The following CAMK4 variants were observed in gnomAD, a reference collection of about 807,000 sequenced individuals.
The protein encoded by CAMK4 is calcium/calmodulin dependent protein kinase IV.
Under a neutral mutation model 44.9 loss-of-function variants are expected in CAMK4, and 22 were observed. The observed-to-expected ratio is 0.49, with a 90% CI of 0.35 to 0.70. The LOEUF (loss-of-function observed/expected upper bound fraction) is 0.70, where lower values mean the gene tolerates loss of function less well. Ranked by LOEUF, CAMK4 falls within the 30% of genes least tolerant of loss-of-function variation. The pLI is 0.01. For missense variants in CAMK4, 498 were observed against 586.8 expected (o/e 0.85, Z 1.56); for synonymous variants, 218 against 215.4 (o/e 1.01, Z -0.11).
intron 5 of CAMK4, among the ~76,000 whole-genome samples, chr5:111,397,668 T>TGTGC: frequency 7.7e-6 from 1 of 129,304 alleles, no homozygotes; most frequent in Non-Finnish European, 1.6e-5. Context: ...TGTGTGTGTG[T>TGTGC]GTGTGTGTGT....
chr5:111,453,919 C>G (rs576556857), intron 7 of CAMK4, among the ~76,000 whole-genome samples: 42 of 152,262 alleles, frequency 2.8e-4, no homozygotes, highest in African/African-American at 8.7e-4. Context: ...GGAATATCCC[C>G]TCCTGGGGTG....
chr5:111,408,323 G>C (rs577361928), intron 5 of CAMK4, among the ~76,000 whole-genome samples: 81 of 152,292 alleles, frequency 5.3e-4, no homozygotes, highest in African/African-American at 1.9e-3. Context: ...CCACATGGCT[G>C]GGGAGGCCTC....
rs1270266001 is a variant in CAMK4, at chr5:111,484,030, C to T, written c.986C>T (p.Ala329Val). 5 of 1,571,668 alleles carry T rather than the reference C, an allele frequency of 3.2e-6. No homozygotes were observed. The highest frequency in any genetic ancestry group is 1.8e-5 in the Admixed American group (1 of 54,614). The change falls in exon 11 of 11, where the codon GCG (alanine) becomes GTG (valine). Residue 329 changes from alanine to valine, a missense_variant. Ala to Val is a moderately conservative substitution (Grantham distance 64). Around this residue, in one of 3 missense-constraint regions of CAMK4, gnomAD observed 203 missense variants for 298.2 expected, o/e 0.68. Coordinates refer to ENST00000282356, the MANE Select transcript of CAMK4 (RefSeq NM_001744.6). This position sits in a 1 kb window ranked among gnomAD's most constrained non-coding sequence, Gnocchi z 5.3. ...CACTCTTCTGTTTCCAATCAGGCAGCGGTGAAGGCTGTGGTGGCCTCTTCG... is the reference window on the plus strand; with the variant it reads ...CACTCTTCTGTTTCCAATCAGGCAGTGGTGAAGGCTGTGGTGGCCTCTTCG... ...EFNARRKLKA[A>V]VKAVVASSRL...
At chr5:111,449,512 A>C (rs986149989) in intron 7 of CAMK4, 2 of 188,864 alleles carry the variant, frequency 1.1e-5, no homozygotes, top group African/African-American at 4.7e-5. Flanking sequence ...TTATAGTTGG[A>C]ATTAAATCCA....
At chr5:111,412,942 C>T (rs1285891122) in intron 5 of CAMK4, among the ~76,000 whole-genome samples, 2 of 152,212 alleles carry the variant, frequency 1.3e-5, no homozygotes, top group African/African-American at 4.8e-5. Context: ...AGAATTGCCT[C>T]TGAGCTGCTA....
chr5:111,439,718 C>G lies in CAMK4; in HGVS notation c.460-6968C>G, dbSNP rs142526352. Among the ~76,000 whole-genome samples, 80 of 152,162 alleles carry G rather than the reference C, an allele frequency of 5.3e-4. No individual in the cohort carries two copies. In the East Asian group the frequency reaches 6.4e-3, roughly 12 times the overall value. On this transcript the variant is annotated intron_variant, in intron 5 of 10. Transcript: ENST00000282356. ...GGACACAGTGGAATAAGGGGTAACT[C>G]AATTTGTGGTTTGGATGAGCTCACC...
At chr5:111,233,473 T>C (rs1240626872) in intron 1 of CAMK4, among the ~76,000 whole-genome samples, 1 of 152,150 alleles carries the variant, frequency 6.6e-6, no homozygotes, top group Non-Finnish European at 1.5e-5. Context: ...ATAATGTTTG[T>C]GAAAATGAAG....
At chr5:111,340,109 A>T (rs1313504157) in intron 1 of CAMK4, among the ~76,000 whole-genome samples, 1 of 151,116 alleles carries the variant, frequency 6.6e-6, no homozygotes, top group Non-Finnish European at 1.5e-5. Context: ...ATTATTTCTA[A>T]CTGTATTTTG....
rs1309427805 is a variant in CAMK4, at chr5:111,418,978, A to G, written c.459+24196A>G. On this transcript the variant is annotated intron_variant, in intron 5 of 10. Transcript: ENST00000282356. ...TACCCAGTAATGGGATGGCTGGGTC[A>G]AATGGTATTTCTAGTTCTAGATCCC... 3.3e-5 allele frequency among the ~76,000 whole-genome samples: 5 copies of G among 152,150 alleles called. No individual in the cohort carries two copies. The East Asian group carries it at 5.8e-4, about 18-fold the overall frequency.
upstream of CAMK4, chr5:111,224,143 G>C (rs997501519): frequency 4.8e-6 from 1 of 209,878 alleles, no homozygotes; most frequent in Admixed American, 6.3e-5. This position sits in a 1 kb window ranked among gnomAD's most constrained non-coding sequence, Gnocchi z 5.7. Flanking sequence ...GCCTGGGAGA[G>C]AGAAAGGAAA....
At chr5:111,474,188 G>A (rs1326104720) in intron 8 of CAMK4, among the ~76,000 whole-genome samples, 1 of 152,214 alleles carries the variant, frequency 6.6e-6, no homozygotes, top group Admixed American at 6.5e-5. Flanking sequence ...TTGTTGGAAT[G>A]CATAATATTC....
At chr5:111,341,444 T>C (rs539203174) in intron 1 of CAMK4, among the ~76,000 whole-genome samples, 1 of 151,262 alleles carries the variant, frequency 6.6e-6, no homozygotes, top group African/African-American at 2.4e-5. Context: ...ATTCAAGCAC[T>C]AGGTTTTAGA....
intron 5 of CAMK4, among the ~76,000 whole-genome samples, chr5:111,432,735 G>T (rs1753503433): frequency 6.6e-6 from 1 of 150,586 alleles, no homozygotes; most frequent in African/African-American, 2.4e-5. Flanking sequence ...CTAGACTTCA[G>T]AGCAAATTCT....
intron 1 of CAMK4, among the ~76,000 whole-genome samples, chr5:111,250,204 A>C (rs1749427349): frequency 6.6e-6 from 1 of 152,222 alleles, no homozygotes; most frequent in Non-Finnish European, 1.5e-5. Flanking sequence ...CATGCACACA[A>C]ATTTGGTGTT....
chr5:111,279,432 A>T (rs1306272421), intron 1 of CAMK4, among the ~76,000 whole-genome samples: 1 of 152,130 alleles, frequency 6.6e-6, no homozygotes, highest in Admixed American at 6.5e-5. Context: ...ATGTATGAGA[A>T]AGCTAGATGC....
At chr5:111,298,514 A>G (rs1214144376) in intron 1 of CAMK4, among the ~76,000 whole-genome samples, 9 of 152,176 alleles carry the variant, frequency 5.9e-5, no homozygotes, top group Non-Finnish European at 1.3e-4. Context: ...GTGGACGTAG[A>G]GTGGAGATAG....
chr5:111,241,713 G>A (rs1315247712), intron 1 of CAMK4, among the ~76,000 whole-genome samples: 1 of 152,160 alleles, frequency 6.6e-6, no homozygotes, highest in African/African-American at 2.4e-5. Context: ...ATAAAATAAT[G>A]ATTGAATGTC....
intron 1 of CAMK4, among the ~76,000 whole-genome samples, chr5:111,235,313 C>T (rs1748665156): frequency 6.6e-6 from 1 of 152,044 alleles, no homozygotes; most frequent in African/African-American, 2.4e-5. Flanking sequence ...AGCTCTCCGT[C>T]AGGGCAACCA....
At chr5:111,442,735 A>G (rs1753872340) in intron 5 of CAMK4, among the ~76,000 whole-genome samples, 1 of 148,616 alleles carries the variant, frequency 6.7e-6, no homozygotes, top group African/African-American at 2.4e-5. Flanking sequence ...TTTTTATTTT[A>G]GAATGTAGTA....
Sources: allele counts gnomAD v4.1 joint callset (sites outside exome capture counted in the v4.1 genomes callset), GRCh38; gene constraint gnomAD v4.1.1; regional missense constraint gnomAD v4.1.1; non-coding constraint Gnocchi (gnomAD v3.1); transcripts MANE v1.5; gene names NCBI Gene and HGNC (gene_info 2026-07-23, HGNC 2026-07-21).